STIM1: variants seen among roughly 807,000 people sequenced by gnomAD.
STIM1 encodes stromal interaction molecule 1.
A neutral mutation model predicts 74.7 loss-of-function variants in STIM1; 25 were observed. The ratio of observed to expected loss-of-function variants is 0.33; its 90% CI spans 0.24 to 0.47. The LOEUF (loss-of-function observed/expected upper bound fraction) is 0.47. STIM1 is among the 20% of genes least tolerant of loss of function. The probability of loss-of-function intolerance (pLI) is 1.00; values close to 1 mark genes in which losing one functional copy is unlikely to be tolerated. For missense variants in STIM1, 728 were observed against 920.8 expected (o/e 0.79, Z 2.71); for synonymous variants, 328 against 348.8 (o/e 0.94, Z 0.66).
intron 2 of STIM1, among the ~76,000 whole-genome samples, chr11:4,018,309 G>A (rs557013252): frequency 2.0e-3 from 302 of 150,356 alleles, no homozygotes; most frequent in Non-Finnish European, 2.9e-3. Context: ...AAAATTAGCC[G>A]GGCGCGGTGG....
intron 3 of STIM1, among the ~76,000 whole-genome samples, chr11:4,054,632 T>C (rs989545386): frequency 6.6e-6 from 1 of 152,316 alleles, no homozygotes; most frequent in South Asian, 2.1e-4. Context: ...ATGATCTAGG[T>C]GGAACAGTTT....
chr11:4,003,119 C>A (rs2093737234), intron 2 of STIM1, among the ~76,000 whole-genome samples: 1 of 143,842 alleles, frequency 7.0e-6, no homozygotes, highest in Admixed American at 7.0e-5. Context: ...CAAAAAGAGT[C>A]CAGGACCAGA....
intron 1 of STIM1, among the ~76,000 whole-genome samples, chr11:3,957,532 C>T (rs984332925): frequency 3.9e-5 from 6 of 151,918 alleles, no homozygotes; most frequent in Admixed American, 3.3e-4. Context: ...GCTGAGATTA[C>T]TAGGGTGAGC....
rs1227048502 is a variant in STIM1 at position 4,092,441 on chromosome 11, G to A, written c.*643G>A. 6.2e-6 allele frequency: 1 copy of A among 160,560 alleles called. No individual in the cohort carries two copies. Among genetic ancestry groups the A allele is most frequent in the Non-Finnish European group, 1.4e-5 (1 of 72,022 alleles). 9.9% of individuals were successfully genotyped at this position (160,560 alleles called of 1,614,324 possible). A position where few individuals can be genotyped will look rare whatever the true frequency, so the allele number is the denominator to read the frequency against. On this transcript the variant is annotated 3_prime_UTR_variant, in exon 13 of 13. Transcript: ENST00000526596. ...AACCCACCAGAGACTTTTAAAGAGA[G>A]GCCAGGCTTGGGAATGGGTTGGGAG...
intron 1 of STIM1, among the ~76,000 whole-genome samples, chr11:3,893,127 C>G (rs549879107): frequency 6.6e-6 from 1 of 152,284 alleles, no homozygotes; most frequent in African/African-American, 2.4e-5. Context: ...GTCATCCCTT[C>G]CAGTACTCTC....
intron 1 of STIM1, among the ~76,000 whole-genome samples, chr11:3,946,124 T>C (rs138205971): frequency 5.1e-4 from 77 of 152,274 alleles, no homozygotes; most frequent in Non-Finnish European, 8.4e-4. Context: ...ACTATATCAA[T>C]GGGGTTGGAA....
Position 3,907,426 on chromosome 11 carries a change from C to A in STIM1, c.139+51017C>A, listed in dbSNP as rs74050945. ...TTTTAAATTTAACAAGTTTCACTTA[C>A]ATGGAATCTGTCAGCATATCCTGTC... On this transcript the variant is annotated intron_variant, in intron 1 of 12. Transcript: ENST00000526596. Among the ~76,000 whole-genome samples, 1,357 of 152,314 alleles carry A rather than the reference C, an allele frequency of 8.9e-3. 26 individuals are homozygous for A. Among genetic ancestry groups the A allele is most frequent in the African/African-American group, 0.03 (1,265 of 41,564 alleles).
rs1565092057 is a variant in STIM1, at chr11:3,858,540, C to T, written c.139+2131C>T. ...GTTGTGGTAGGTTTTCCCCTTGGGT[C>T]TACCTGGGGTTTTGTCTTTGACTCA... On this transcript the variant is annotated intron_variant, in intron 1 of 12. Transcript: ENST00000526596. Among the ~76,000 whole-genome samples, 7 of 152,270 alleles carry T rather than the reference C, an allele frequency of 4.6e-5. No individual in the cohort carries two copies. The South Asian group carries it at 1.2e-3, about 27-fold the overall frequency.
At chr11:4,039,144 T>C (rs2094127745) in intron 3 of STIM1, among the ~76,000 whole-genome samples, 1 of 151,886 alleles carries the variant, frequency 6.6e-6, no homozygotes. Context: ...TGAAAAAAAA[T>C]TATAGAAAAT....
At chr11:3,924,581 A>C (rs754325314) in intron 1 of STIM1, among the ~76,000 whole-genome samples, 1 of 152,086 alleles carries the variant, frequency 6.6e-6, no homozygotes, top group Non-Finnish European at 1.5e-5. Context: ...CTGTATTTTA[A>C]AGGTCTTATT....
At chr11:3,900,381 A>C (rs977274558) in intron 1 of STIM1, among the ~76,000 whole-genome samples, 1 of 152,134 alleles carries the variant, frequency 6.6e-6, no homozygotes, top group African/African-American at 2.4e-5. Context: ...GACCCCTTGC[A>C]CTTCCCGAGT....
At chr11:3,882,242 G>C (rs2091541758) in intron 1 of STIM1, among the ~76,000 whole-genome samples, 1 of 151,778 alleles carries the variant, frequency 6.6e-6, no homozygotes, top group Admixed American at 6.6e-5. Context: ...TGGGATTACA[G>C]GCGTGCGCCA....
At chr11:3,935,567 G>T (rs1057418471) in intron 1 of STIM1, among the ~76,000 whole-genome samples, 2 of 152,364 alleles carry the variant, frequency 1.3e-5, no homozygotes, top group East Asian at 3.9e-4. Context: ...CAGGAAAACT[G>T]CATGGTCTAA....
intron 2 of STIM1, among the ~76,000 whole-genome samples, chr11:3,988,387 G>C (rs1446009115): frequency 2.6e-5 from 4 of 152,122 alleles, no homozygotes; most frequent in Non-Finnish European, 5.9e-5. Flanking sequence ...TTGAGGATCA[G>C]TACAAACATT....
intron 2 of STIM1, among the ~76,000 whole-genome samples, chr11:3,978,396 C>A (rs1246215106): frequency 6.6e-6 from 1 of 150,630 alleles, no homozygotes. Flanking sequence ...GATCTGCCCG[C>A]CTCGGCCTCC....
chr11:3,995,109 A>G (rs1043982176), intron 2 of STIM1, among the ~76,000 whole-genome samples: 1 of 151,470 alleles, frequency 6.6e-6, no homozygotes, highest in Non-Finnish European at 1.5e-5. Flanking sequence ...ATCTTTGGAC[A>G]TATTTATAAT....
At chr11:3,965,527 T>A (rs2093331414) in intron 1 of STIM1, among the ~76,000 whole-genome samples, 1 of 152,220 alleles carries the variant, frequency 6.6e-6, no homozygotes, top group Non-Finnish European at 1.5e-5. Context: ...ATTATATATG[T>A]TTTTGTTGGT....
intron 1 of STIM1, among the ~76,000 whole-genome samples, chr11:3,871,527 C>T (rs2091097382): frequency 6.6e-6 from 1 of 152,132 alleles, no homozygotes; most frequent in African/African-American, 2.4e-5. Flanking sequence ...CTGTTTTGTC[C>T]AATATCTAGT....
At chr11:4,008,117 A>G (rs2093800922) in intron 2 of STIM1, among the ~76,000 whole-genome samples, 1 of 152,154 alleles carries the variant, frequency 6.6e-6, no homozygotes, top group Non-Finnish European at 1.5e-5. Context: ...GTGGTTCCAT[A>G]AGATTATAAT....
Sources: allele counts gnomAD v4.1 joint callset (sites outside exome capture counted in the v4.1 genomes callset), GRCh38; gene constraint gnomAD v4.1.1; transcripts MANE v1.5; gene names NCBI Gene and HGNC (gene_info 2026-07-23, HGNC 2026-07-21).